Variants in CSNK2A1 observed in about 807,000 individuals in gnomAD.
CSNK2A1 encodes casein kinase 2 alpha 1, also known as casein kinase II subunit alpha.
Under a neutral mutation model 62.9 loss-of-function variants are expected in CSNK2A1, and 10 were observed. The observed-to-expected ratio is 0.16, with a 90% CI of 0.10 to 0.27. The LOEUF is 0.27. CSNK2A1 is among the 10% of genes least tolerant of loss of function. The pLI is 1.00. For synonymous variants in CSNK2A1, 124 were observed against 167.8 expected (o/e 0.74, Z 2.02); for missense variants, 160 against 492.0 (o/e 0.33, Z 6.38).
chr20:484,117 A>G (rs1406628546), intron 13 of CSNK2A1, 41 bp from the exon 14 acceptor site: 1 of 1,466,600 alleles, frequency 6.8e-7, no homozygotes, highest in Admixed American at 2.5e-5. Context: ...GACACCAACC[A>G]TGGCAATCTT....
chr20:486,722 C>A, intron 12 of CSNK2A1: 2 of 402,904 alleles, frequency 5.0e-6, no homozygotes, highest in Non-Finnish European at 9.1e-6. Flanking sequence ...TATAGCAGAG[C>A]GAATTTAATG....
intron 13 of CSNK2A1, among the ~76,000 whole-genome samples, chr20:485,101 AAAAAAAAAATATATAT>A (rs2018058508): frequency 3.1e-5 from 1 of 31,858 alleles, no homozygotes; most frequent in South Asian, 1.8e-3. Flanking sequence ...AAAAAAAAAA[AAAAAAAAAATATATAT>A]ATATATATAT....
rs764254515 is a variant in CSNK2A1, at chr20:486,339, C to T, written c.1060+37G>A. The T allele has an allele frequency of 8.7e-6, 14 of 1,611,390 alleles. No individual in the cohort carries two copies. Among genetic ancestry groups the T allele is most frequent in the Middle Eastern group, 1.6e-4 (1 of 6,074 alleles). ...CAAAGCTAAGAACAGTAATTGACTT[C>T]CACATTTTTTTAAAGAAAATTTACC... On this transcript the variant is annotated intron_variant, in intron 13 of 13. Transcript: ENST00000217244.
In CSNK2A1 at chr20:543,756, G is replaced by T; in HGVS notation, c.-311C>A. 2.5e-6 allele frequency: 1 copy of T among 398,482 alleles called. No homozygotes were observed. Among genetic ancestry groups the T allele is most frequent in the Non-Finnish European group, 4.4e-6 (1 of 225,988 alleles). 24.7% of individuals were successfully genotyped at this position (398,482 alleles called of 1,614,324 possible). On this transcript the variant is annotated 5_prime_UTR_variant, in exon 1 of 14. Coordinates refer to ENST00000217244, the MANE Select transcript of CSNK2A1 (RefSeq NM_177559.3). Reference sequence around the variant, plus strand: ...GCGGCGATGGAGGAGGAGACACACGGCTCGGCCGCCAGCCGCAGGGACCAG... The same window carrying T: ...GCGGCGATGGAGGAGGAGACACACGTCTCGGCCGCCAGCCGCAGGGACCAG...
At chr20:506,888 G>A (rs1046989926) in intron 3 of CSNK2A1, 1 of 152,156 alleles carries the variant, frequency 6.6e-6, no homozygotes. Flanking sequence ...GCAGAACCAA[G>A]TGCAAAGCAC....
intron 4 of CSNK2A1, chr20:503,600 T>C: frequency 5.0e-6 from 2 of 398,584 alleles, no homozygotes; most frequent in Non-Finnish European, 8.8e-6. Context: ...CATTAGATTG[T>C]GTTACACTCC....
At chr20:489,509 AG>A (rs1407408834) in intron 10 of CSNK2A1, 4 of 410,714 alleles carry the variant, frequency 9.7e-6, no homozygotes, top group Non-Finnish European at 1.7e-5. Flanking sequence ...ATTGGAGATA[AG>A]GGTTTATTAG....
intron 1 of CSNK2A1, among the ~76,000 whole-genome samples, chr20:538,372 C>T (rs1162225323): frequency 6.6e-6 from 1 of 152,184 alleles, no homozygotes; most frequent in Admixed American, 6.5e-5. Flanking sequence ...TCATGTGGCC[C>T]AATTTCCCTT....
chr20:521,868 T>A (rs1443711091), intron 2 of CSNK2A1, among the ~76,000 whole-genome samples: 1 of 152,134 alleles, frequency 6.6e-6, no homozygotes, highest in Non-Finnish European at 1.5e-5. Flanking sequence ...GGATTACAGG[T>A]GTGAGCTGCT....
intron 2 of CSNK2A1, among the ~76,000 whole-genome samples, chr20:523,979 C>T (rs1002318817): frequency 5.3e-5 from 8 of 150,806 alleles, no homozygotes; most frequent in Middle Eastern, 3.2e-3. Context: ...TATAACTATT[C>T]TATGTCCCAG....
chr20:528,742 A>G (rs1202365689), intron 1 of CSNK2A1, among the ~76,000 whole-genome samples: 1 of 152,080 alleles, frequency 6.6e-6, no homozygotes, highest in Non-Finnish European at 1.5e-5. Flanking sequence ...GATTATAGGC[A>G]TGAGCCACCA....
intron 6 of CSNK2A1, chr20:498,805 A>T (rs1175963524): frequency 6.6e-6 from 1 of 152,344 alleles, no homozygotes; most frequent in African/African-American, 2.4e-5. Flanking sequence ...TTATGGCAGA[A>T]TTTGACATTA....
At chr20:515,652 T>A (rs1476149207) in intron 2 of CSNK2A1, among the ~76,000 whole-genome samples, 1 of 152,170 alleles carries the variant, frequency 6.6e-6, no homozygotes, top group Non-Finnish European at 1.5e-5. Context: ...TCTTCAAATC[T>A]TAATTTCTCA....
rs903572314 is a variant in CSNK2A1 at position 479,832 on chromosome 20, T to A, written c.*4129A>T. On this transcript the variant is annotated 3_prime_UTR_variant, in exon 14 of 14. Transcript: ENST00000217244. ...ATACAAAATCCTCAAAAATCTGAAATTTTTTAAGCATCAACATGATGCCTA... is the reference window on the plus strand; with the variant it reads ...ATACAAAATCCTCAAAAATCTGAAAATTTTTAAGCATCAACATGATGCCTA... 13 of 152,226 alleles carry A rather than the reference T, an allele frequency of 8.5e-5. No individual in the cohort carries two copies. Among genetic ancestry groups the A allele is most frequent in the South Asian group, 4.1e-4 (2 of 4,834 alleles). 9.4% of individuals were successfully genotyped at this position (152,226 alleles called of 1,614,324 possible).
intron 1 of CSNK2A1, among the ~76,000 whole-genome samples, chr20:533,769 T>C (rs922869980): frequency 9.2e-5 from 14 of 152,190 alleles, no homozygotes; most frequent in Non-Finnish European, 1.3e-4. Context: ...TGAGTGTCAA[T>C]GTGACATAAA....
At chr20:486,011 C>A (rs752478855) in intron 13 of CSNK2A1, among the ~76,000 whole-genome samples, 1 of 152,330 alleles carries the variant, frequency 6.6e-6, no homozygotes, top group South Asian at 2.1e-4. Context: ...CACATACACA[C>A]CTATGTATAA....
intron 2 of CSNK2A1, among the ~76,000 whole-genome samples, chr20:512,718 C>A (rs1044530994): frequency 6.6e-5 from 10 of 152,202 alleles, no homozygotes; most frequent in African/African-American, 2.4e-4. Context: ...TCAACTCAAA[C>A]CTTCTGAGGT....
intron 1 of CSNK2A1, among the ~76,000 whole-genome samples, chr20:540,272 T>A (rs989823420): frequency 3.3e-5 from 5 of 152,248 alleles, no homozygotes; most frequent in African/African-American, 1.2e-4. Flanking sequence ...GTATTCCACA[T>A]GGGTCCACTC....
At position 499,976 on chromosome 20, in the gene CSNK2A1, A is replaced by AAAT; in HGVS notation, c.214-43_214-42insATT. 3 of 1,362,296 alleles carry AAAT rather than the reference A, an allele frequency of 2.2e-6. No individual in the cohort carries two copies. Among genetic ancestry groups the AAAT allele is most frequent in the Non-Finnish European group, 2.0e-6 (2 of 996,194 alleles). The allele number at this position is 1,362,296 out of a possible 1,614,324, so 84.4% of individuals were successfully genotyped here. A position where few individuals can be genotyped will look rare whatever the true frequency, so the allele number is the denominator to read the frequency against. The stretch of plus-strand genomic sequence containing the variant: ...ACATCAGCAAAAAAAAAAAAAAAAA[A>AAAT]TTTTTTCAGAGTATTTCAACACGTA... On this transcript the variant is annotated intron_variant, in intron 4 of 13. Coordinates refer to ENST00000217244, the MANE Select transcript of CSNK2A1 (RefSeq NM_177559.3). This position sits in a 1 kb window ranked among gnomAD's most constrained non-coding sequence, Gnocchi z 4.2.
Sources: gnomAD v4.1 joint callset for allele counts (sites outside exome capture counted in the v4.1 genomes callset) on GRCh38, gnomAD v4.1.1 for gene constraint, Gnocchi (gnomAD v3.1) non-coding constraint, MANE v1.5 for transcripts, NCBI Gene and HGNC (gene_info 2026-07-23, HGNC 2026-07-21) for gene names.